The following PDE1A variants were observed in gnomAD, a reference collection of about 807,000 sequenced individuals.
The protein encoded by PDE1A is dual specificity calcium/calmodulin-dependent 3',5'-cyclic nucleotide phosphodiesterase 1A.
PDE1A carries 35 observed loss-of-function variants against 61.7 expected under a neutral mutation model. That is an observed-to-expected ratio of 0.57 (90% confidence interval 0.43 to 0.75). The LOEUF is 0.75. PDE1A is among the 30% of genes least tolerant of loss of function. The probability of loss-of-function intolerance (pLI) is 0.00; values close to 1 mark genes in which losing one functional copy is unlikely to be tolerated. For missense variants in PDE1A, 597 were observed against 630.6 expected, an observed-to-expected ratio of 0.95 and a Z score of 0.57; for synonymous variants, 232 against 213.2, an observed-to-expected ratio of 1.09 and a Z score of -0.77.
chr2:182,531,151 AG>A, the PDE1A span, among the ~76,000 whole-genome samples: 2 of 152,060 alleles, frequency 1.3e-5, no homozygotes, highest in Admixed American at 6.5e-5. Flanking sequence ...ATACAGATAT[AG>A]ATGAATCAAA....
At chr2:182,474,282 G>A (rs76219265) in intron 2 of PDE1A, among the ~76,000 whole-genome samples, 365 of 152,010 alleles carry the variant, frequency 2.4e-3, no homozygotes, top group African/African-American at 8.2e-3. Context: ...CTCTTTCAGA[G>A]TGAGAAAAAA....
At chr2:182,539,376 T>C in the PDE1A span, among the ~76,000 whole-genome samples, 1 of 152,144 alleles carries the variant, frequency 6.6e-6, no homozygotes, top group Non-Finnish European at 1.5e-5. Context: ...TGGGCTTGCA[T>C]TATTAGTTTT....
intron 2 of PDE1A, among the ~76,000 whole-genome samples, chr2:182,476,598 C>A (rs1687381448): frequency 2.0e-5 from 3 of 151,902 alleles, no homozygotes; most frequent in Non-Finnish European, 2.9e-5. Flanking sequence ...CTGATTAGGA[C>A]ATTTACTGAG....
intron 1 of PDE1A, among the ~76,000 whole-genome samples, chr2:182,378,939 C>G (rs1700569920): frequency 6.6e-6 from 1 of 152,124 alleles, no homozygotes. Flanking sequence ...ACTAGATAGT[C>G]CTAATCTAAA....
the PDE1A span, among the ~76,000 whole-genome samples, chr2:182,548,704 G>C: frequency 1.3e-5 from 2 of 152,190 alleles, no homozygotes; most frequent in South Asian, 4.1e-4. Context: ...GGTAGGTTAG[G>C]TCCCTTTGGT....
rs1290393651 is a variant in PDE1A, at chr2:182,486,010, G to A, written c.101+36266C>T. On this transcript the variant is annotated intron_variant, in intron 2 of 14. Coordinates refer to the PDE1A transcript ENST00000410103. ...AGGCATACAAATTAGAAAGGAAGAA[G>A]TAAAACTCTATTCACAGACTACAGA... Among the ~76,000 whole-genome samples the A allele has an allele frequency of 2.6e-5, 4 of 151,850 alleles. No individual in the cohort carries two copies. The East Asian group carries it at 7.7e-4, about 29-fold the overall frequency.
chr2:182,621,505 G>A, the PDE1A span, among the ~76,000 whole-genome samples: 12 of 151,938 alleles, frequency 7.9e-5, no homozygotes, highest in African/African-American at 9.7e-5. Context: ...AATAATACCC[G>A]TTAATATCCT....
intron 2 of PDE1A, among the ~76,000 whole-genome samples, chr2:182,458,926 T>C (rs1686094997): frequency 6.6e-6 from 1 of 152,134 alleles, no homozygotes; most frequent in African/African-American, 2.4e-5. Flanking sequence ...GCTTTTCATC[T>C]ATCATATTCT....
chr2:182,423,868 G>T (rs955439882), intron 1 of PDE1A, among the ~76,000 whole-genome samples: 11 of 151,762 alleles, frequency 7.2e-5, no homozygotes, highest in African/African-American at 2.4e-4. Context: ...TTCAATTATA[G>T]GGGAAATTAG....
exon 15 of PDE1A, chr2:182,140,974 C>G (rs1328803664): frequency 6.9e-6 from 1 of 144,750 alleles, no homozygotes; most frequent in Non-Finnish European, 1.5e-5. Flanking sequence ...TTTTTACTGT[C>G]TCTGGAAGTT....
At chr2:182,478,358 A>AG (rs56829097) in intron 2 of PDE1A, among the ~76,000 whole-genome samples, 1 of 150,982 alleles carries the variant, frequency 6.6e-6, no homozygotes, top group African/African-American at 2.4e-5. Flanking sequence ...AAAAAAAAAA[A>AG]TAGTGCTCTA....
At chr2:182,401,303 C>T (rs1008753129) in intron 1 of PDE1A, among the ~76,000 whole-genome samples, 17 of 152,142 alleles carry the variant, frequency 1.1e-4, no homozygotes, top group Non-Finnish European at 1.9e-4. Flanking sequence ...ATCCAGCAGA[C>T]GTCAAAAAGC....
chr2:182,617,114 G>C, the PDE1A span, among the ~76,000 whole-genome samples: 26 of 152,236 alleles, frequency 1.7e-4, 1 homozygote, highest in Non-Finnish European at 3.1e-4. Context: ...TGTGTACCTT[G>C]GAATCTTGGA....
At chr2:182,478,219 C>T (rs1206051285) in intron 2 of PDE1A, among the ~76,000 whole-genome samples, 1 of 151,836 alleles carries the variant, frequency 6.6e-6, no homozygotes, top group Non-Finnish European at 1.5e-5. Context: ...TGTCTCGATA[C>T]TTGCTATAAT....
At chr2:182,323,877 C>T (rs1696871938) in intron 1 of PDE1A, among the ~76,000 whole-genome samples, 1 of 152,160 alleles carries the variant, frequency 6.6e-6, no homozygotes, top group African/African-American at 2.4e-5. Context: ...CAGTGTGTTG[C>T]CACACCATCC....
chr2:182,564,311 T>C, the PDE1A span, among the ~76,000 whole-genome samples: 1 of 152,198 alleles, frequency 6.6e-6, no homozygotes, highest in African/African-American at 2.4e-5. Flanking sequence ...CCTTCACTTA[T>C]GAAGCTTAGT....
At chr2:182,545,037 T>C in the PDE1A span, among the ~76,000 whole-genome samples, 9 of 152,228 alleles carry the variant, frequency 5.9e-5, no homozygotes, top group Admixed American at 2.0e-4. Context: ...CTTTTTATCC[T>C]TTAAATATGC....
rs983197910 is a variant in PDE1A, at chr2:182,439,634, G to A, written c.101+82642C>T. 3.3e-5 allele frequency among the ~76,000 whole-genome samples: 5 copies of A among 152,066 alleles called. No individual in the cohort carries two copies. In the East Asian group the frequency reaches 9.7e-4, roughly 30 times the overall value. On this transcript the variant is annotated intron_variant, in intron 2 of 14. Coordinates refer to the PDE1A transcript ENST00000410103. ...AGTTGGCAGCATGGAAGCCACTGGTGGCCTTAATTAAGGCAGTTTCTGTGC... is the reference window on the plus strand; with the variant it reads ...AGTTGGCAGCATGGAAGCCACTGGTAGCCTTAATTAAGGCAGTTTCTGTGC...
At chr2:182,595,378 T>C in the PDE1A span, among the ~76,000 whole-genome samples, 1 of 152,212 alleles carries the variant, frequency 6.6e-6, no homozygotes, top group East Asian at 1.9e-4. Flanking sequence ...GCACAACTGA[T>C]TGACTCTTTC....
Sources: gnomAD v4.1 joint callset for allele counts (sites outside exome capture counted in the v4.1 genomes callset) on GRCh38, gnomAD v4.1.1 for gene constraint, MANE v1.5 for transcripts, NCBI Gene and HGNC (gene_info 2026-07-23, HGNC 2026-07-21) for gene names.